Variants in OTUB2 observed in about 807,000 individuals in gnomAD.
The protein encoded by OTUB2 is OTU deubiquitinase, ubiquitin aldehyde binding 2, also known as ubiquitin thioesterase OTUB2.
A neutral mutation model predicts 25.1 loss-of-function variants in OTUB2; 21 were observed. That is an observed-to-expected ratio of 0.84 (90% CI 0.59 to 1.21). The LOEUF is 1.21. Among genes scored for constraint, OTUB2 ranks in the 50% most tolerant of loss-of-function variants. OTUB2 has a pLI of 0.00. For missense variants in OTUB2, 283 were observed against 298.0 expected (o/e 0.95, Z 0.37); for synonymous variants, 122 against 122.8 (o/e 0.99, Z 0.04).
chr14:94,041,201 A>G (rs1885155413), intron 3 of OTUB2, among the ~76,000 whole-genome samples: 1 of 152,224 alleles, frequency 6.6e-6, no homozygotes, highest in South Asian at 2.1e-4. Context: ...CAGAGTCAAG[A>G]ATGGCTCCCA....
Position 94,047,837 on chromosome 14 carries a change from T to C in OTUB2, c.*1915T>C, listed in dbSNP as rs533492819. 4 of 152,260 alleles carry C rather than the reference T, an allele frequency of 2.6e-5. No homozygotes were observed. The East Asian group carries it at 5.8e-4, about 22-fold the overall frequency. 9.4% of individuals were successfully genotyped at this position (152,260 alleles called of 1,614,324 possible). On this transcript the variant is annotated 3_prime_UTR_variant, in exon 6 of 6. Coordinates refer to ENST00000203664, the MANE Select transcript of OTUB2 (RefSeq NM_023112.4). ...CTGTTTGGCAGACTGGCTGGAGAAA[T>C]TCCCTCTAGGAGACTTGCCTGTGCT...
intron 1 of OTUB2, among the ~76,000 whole-genome samples, chr14:94,027,083 C>T (rs1361964727): frequency 6.6e-6 from 1 of 152,208 alleles, no homozygotes; most frequent in Non-Finnish European, 1.5e-5. Flanking sequence ...GAGAGGATGC[C>T]TCAAGTTGTG....
In OTUB2 at chr14:94,043,838, G is replaced by A. The variant is rs1885208123; in HGVS notation, c.219-133G>A. Reference sequence around the variant, plus strand: ...TGCATGTGGCTGTGTGTTGGGGGCAGGGGCGGGAGGTTCTGCGGCTGGACT... The same window carrying A: ...TGCATGTGGCTGTGTGTTGGGGGCAAGGGCGGGAGGTTCTGCGGCTGGACT... On this transcript the variant is annotated intron_variant, in intron 3 of 5. Transcript: ENST00000203664. 3 of 784,354 alleles carry A rather than the reference G, an allele frequency of 3.8e-6. No individual in the cohort carries two copies. The Admixed American group carries it at 5.4e-5, about 14-fold the overall frequency. 48.6% of individuals were successfully genotyped at this position (784,354 alleles called of 1,614,324 possible).
At position 94,039,068 on chromosome 14, in the gene OTUB2, A is replaced by G; in HGVS notation, c.205A>G (p.Arg69Gly). 1 of 1,613,930 alleles carries G rather than the reference A, an allele frequency of 6.2e-7. No individual in the cohort carries two copies. Among genetic ancestry groups the G allele is most frequent in the Non-Finnish European group, 8.5e-7 (1 of 1,179,878 alleles). Residue 69 changes from arginine (R) to glycine (G), a missense_variant, in exon 3 of 6, where the codon AGG becomes GGG. Transcript: ENST00000203664. ...CCTGGAGTCCCTGCTGGGGAAGAGCAGGGAGATCTTCAAGTGAGTGCCGGG... is the reference window on the plus strand; with the variant it reads ...CCTGGAGTCCCTGCTGGGGAAGAGCGGGGAGATCTTCAAGTGAGTGCCGGG... ...SYLESLLGKS[R>G]EIFKFKERVL...
Position 94,033,938 on chromosome 14 carries a change from C to T in OTUB2, c.4-3442C>T, listed in dbSNP as rs146067431. 3.1e-3 allele frequency among the ~76,000 whole-genome samples: 468 copies of T among 152,296 alleles called. 4 individuals carry two copies. The highest frequency in any genetic ancestry group is 0.017 in the Middle Eastern group (5 of 294). On this transcript the variant is annotated intron_variant, in intron 1 of 5. Coordinates refer to ENST00000203664, the MANE Select transcript of OTUB2 (RefSeq NM_023112.4). Reference sequence around the variant, plus strand: ...TTTCATGATTTAGAATAGACCAAAACATGTTAACTTTTTATAAATTTGCCT... The same window carrying T: ...TTTCATGATTTAGAATAGACCAAAATATGTTAACTTTTTATAAATTTGCCT...
intron 1 of OTUB2, among the ~76,000 whole-genome samples, chr14:94,028,643 A>G (rs8023082): frequency 0.44 from 67,348 of 152,200 alleles, 15,342 homozygotes; most frequent in African/African-American, 0.56. Context: ...CCCAGTGGGC[A>G]CCTTTGTCAG....
At chr14:94,033,622 T>C (rs1884999358) in intron 1 of OTUB2, among the ~76,000 whole-genome samples, 2 of 152,252 alleles carry the variant, frequency 1.3e-5, no homozygotes, top group Non-Finnish European at 2.9e-5. Flanking sequence ...TTAAGTCAGC[T>C]GTCTGTATAA....
intron 1 of OTUB2, among the ~76,000 whole-genome samples, chr14:94,036,507 T>G (rs963341086): frequency 2.0e-5 from 3 of 152,056 alleles, no homozygotes; most frequent in Non-Finnish European, 4.4e-5. Context: ...ATCTCCTGCT[T>G]GTTTGAGCCC....
rs1595364646 is a variant in OTUB2, at chr14:94,030,214, G to A, written c.3+3674G>A. On this transcript the variant is annotated intron_variant, in intron 1 of 5. Transcript: ENST00000203664. ...GAAACCAGGAGGTCCTTGGGCAGAT[G>A]TTGGTGCAGCCTCCCTGGGGGGAGA... Among the ~76,000 whole-genome samples the A allele has an allele frequency of 1.2e-4, 18 of 152,262 alleles. 1 individual carries two copies. The South Asian group carries it at 3.7e-3, about 32-fold the overall frequency.
chr14:94,031,842 T>G (rs1157047089), intron 1 of OTUB2, among the ~76,000 whole-genome samples: 6 of 152,248 alleles, frequency 3.9e-5, no homozygotes, highest in Non-Finnish European at 8.8e-5. Flanking sequence ...AAACCAGCAA[T>G]TAAAGGGCTA....
chr14:94,044,292 G>GA (rs1885220841), intron 4 of OTUB2, among the ~76,000 whole-genome samples: 1 of 152,220 alleles, frequency 6.6e-6, no homozygotes, highest in African/African-American at 2.4e-5. Context: ...AGGACTCTCA[G>GA]ACGCTTGCCA....
Position 94,026,495 on chromosome 14 carries a change from G to T in OTUB2, c.-43G>T. The T allele has an allele frequency of 7.6e-7, 1 of 1,316,438 alleles. No homozygotes were observed. The allele number at this position is 1,316,438 out of a possible 1,614,324, so 81.5% of individuals were successfully genotyped here. On this transcript the variant is annotated 5_prime_UTR_variant, in exon 1 of 6. Transcript: ENST00000203664. Reference sequence around the variant, plus strand: ...TCCCGCGGCATTCCCGCACCGGATCGCTCCTCGCTGGGGCGGGACCTGGCC... The same window carrying T: ...TCCCGCGGCATTCCCGCACCGGATCTCTCCTCGCTGGGGCGGGACCTGGCC...
At chr14:94,027,426 G>T (rs1318446751) in intron 1 of OTUB2, among the ~76,000 whole-genome samples, 1 of 152,246 alleles carries the variant, frequency 6.6e-6, no homozygotes, top group African/African-American at 2.4e-5. Flanking sequence ...TGGAGTGAGG[G>T]CTGGGTGGCT....
Position 94,045,906 on chromosome 14 carries a change from C to T in OTUB2, c.689C>T (p.Ala230Val). The T allele has an allele frequency of 1.2e-6, 2 of 1,614,188 alleles. No individual in the cohort carries two copies. The highest frequency in any genetic ancestry group is 1.7e-6 in the Non-Finnish European group (2 of 1,179,998). The change falls in exon 6 of 6, where the codon GCA becomes GTA. Residue 230 changes from alanine (A) to valine (V), a missense_variant. Transcript: ENST00000203664. ...ACATCCCACTACAACATCCTTTATG[C>T]AGCCGATAAACATTGATTAATTTTA... Reference protein sequence around the residue: ...YKTSHYNILYAADKH With the variant: ...YKTSHYNILYVADKH
chr14:94,045,349 G>A (rs1217567713), intron 5 of OTUB2, among the ~76,000 whole-genome samples: 2 of 152,222 alleles, frequency 1.3e-5, no homozygotes, highest in African/African-American at 4.8e-5. Flanking sequence ...AAGCTTGAAA[G>A]GCACCCCTGG....
Position 94,046,412 on chromosome 14 carries a change from A to G in OTUB2, c.*490A>G, listed in dbSNP as rs991766792. The G allele has an allele frequency of 1.2e-5, 2 of 167,816 alleles. No individual in the cohort carries two copies. Among genetic ancestry groups the G allele is most frequent in the Admixed American group, 1.1e-4 (2 of 17,920 alleles). 10.4% of individuals were successfully genotyped at this position (167,816 alleles called of 1,614,324 possible). A position where few individuals can be genotyped will look rare whatever the true frequency, so the allele number is the denominator to read the frequency against. On this transcript the variant is annotated 3_prime_UTR_variant, in exon 6 of 6. Transcript: ENST00000203664. ...TGGACTGGGCTCTGACAGATGGCCT[A>G]TTGAGGTCAACTTGAATGTGAGGGC...
rs531472514 is a variant in OTUB2, at chr14:94,046,395, G to A, written c.*473G>A. Reference sequence around the variant, plus strand: ...CCAGTCCAGTCACTTGTTGGACTGGGCTCTGACAGATGGCCTATTGAGGTC... The same window carrying A: ...CCAGTCCAGTCACTTGTTGGACTGGACTCTGACAGATGGCCTATTGAGGTC... On this transcript the variant is annotated 3_prime_UTR_variant, in exon 6 of 6. Transcript: ENST00000203664. 19 of 178,620 alleles carry A rather than the reference G, an allele frequency of 1.1e-4. 1 individual carries two copies. The South Asian group carries it at 2.6e-3, about 24-fold the overall frequency. 11.1% of individuals were successfully genotyped at this position (178,620 alleles called of 1,614,324 possible).
rs535562328 is a variant in OTUB2, at chr14:94,036,459, A to G, written c.4-921A>G. Among the ~76,000 whole-genome samples the G allele has an allele frequency of 3.2e-4, 48 of 152,192 alleles. 2 individuals are homozygous for G. Among genetic ancestry groups the G allele is most frequent in the Admixed American group, 7.8e-4 (12 of 15,298 alleles). On this transcript the variant is annotated intron_variant, in intron 1 of 5. Transcript: ENST00000203664. ...TCTCTCACAGTATGTTCATGCTGCA[A>G]TCAAAGCGGCTCTGGGTGGGTTGGA...
intron 1 of OTUB2, among the ~76,000 whole-genome samples, chr14:94,035,286 C>CTTTTTTTTTTTTTTTTTTTTTTT (rs761154708): frequency 9.6e-6 from 1 of 104,036 alleles, no homozygotes; most frequent in Non-Finnish European, 1.9e-5. Flanking sequence ...TTTTTCTTTT[C>CTTTTTTTTTTTTTTTTTTTTTTT]TTTTTTTTTT....
Sources: allele counts gnomAD v4.1 joint callset (sites outside exome capture counted in the v4.1 genomes callset), GRCh38; gene constraint gnomAD v4.1.1; transcripts MANE v1.5; gene names NCBI Gene and HGNC (gene_info 2026-07-23, HGNC 2026-07-21).